Variants in PRKDC observed in about 807,000 individuals in gnomAD.
The protein encoded by PRKDC is protein kinase, DNA-activated, catalytic subunit.
A neutral mutation model predicts 486.9 loss-of-function variants in PRKDC; 82 were observed. That is an observed-to-expected ratio of 0.17 (90% CI 0.14 to 0.20). PRKDC has a LOEUF of 0.20. PRKDC is among the 10% of genes least tolerant of loss of function. The pLI is 1.00. For synonymous variants in PRKDC, 1,895 were observed against 1,837.0 expected (o/e 1.03, Z -0.81); for missense variants, 4,504 against 5,038.2 (o/e 0.89, Z 3.21).
At position 47,927,279 on chromosome 8, in the gene PRKDC, A is replaced by C. The variant is rs909197510; in HGVS notation, c.2334T>G (p.Ile778Met). ...VGLNALEEWS[I>M]YIDRHVMQPY... ...GCTGCATTACATGTCTGTCAATATA[A>C]ATTGACCATTCTTCTAGAGCATTCA... Residue 778 changes from isoleucine (I) to methionine (M), a missense_variant, in exon 21 of 86, where the codon ATT becomes ATG. Around this residue, in one of 6 missense-constraint regions of PRKDC, gnomAD observed 1,969 missense variants for 2,068.9 expected, o/e 0.95. Transcript: ENST00000314191. The C allele has an allele frequency of 1.9e-6, 3 of 1,613,040 alleles. No individual in the cohort carries two copies. The highest frequency in any genetic ancestry group is 1.3e-5 in the African/African-American group (1 of 74,898).
At chr8:47,956,159 C>T (rs1463708045) in intron 3 of PRKDC, among the ~76,000 whole-genome samples, 1 of 152,012 alleles carries the variant, frequency 6.6e-6, no homozygotes, top group Non-Finnish European at 1.5e-5. Flanking sequence ...GTCAGGAGTT[C>T]GAGACCAGCC....
At chr8:47,926,335 G>C (rs2154503366) in intron 21 of PRKDC, among the ~76,000 whole-genome samples, 1 of 152,200 alleles carries the variant, frequency 6.6e-6, no homozygotes, top group South Asian at 2.1e-4. Context: ...GAGGATGTCA[G>C]AAAAAGGAGA....
intron 22 of PRKDC, among the ~76,000 whole-genome samples, chr8:47,915,697 G>A (rs1050790118): frequency 6.6e-6 from 1 of 152,184 alleles, no homozygotes; most frequent in Non-Finnish European, 1.5e-5. Flanking sequence ...GTTATAAAAA[G>A]TAACTATATT....
chr8:47,906,944 AT>A (rs749975042), intron 25 of PRKDC, among the ~76,000 whole-genome samples: 1 of 151,476 alleles, frequency 6.6e-6, no homozygotes, highest in Non-Finnish European at 1.5e-5. Flanking sequence ...CTATGAAGCA[AT>A]TTTTAAAATT....
intron 66 of PRKDC, among the ~76,000 whole-genome samples, chr8:47,820,383 AC>A (rs2087560910): frequency 2.6e-5 from 4 of 152,046 alleles, no homozygotes; most frequent in Admixed American, 6.5e-5. Context: ...GTCTCAAAAA[AC>A]AAACAAACAA....
intron 21 of PRKDC, among the ~76,000 whole-genome samples, chr8:47,925,627 C>G (rs1172148028): frequency 1.3e-5 from 2 of 152,154 alleles, no homozygotes; most frequent in African/African-American, 2.4e-5. Flanking sequence ...TGTTATTTTT[C>G]TGGATTTTGA....
chr8:47,915,118 G>A (rs1237152951), intron 23 of PRKDC, among the ~76,000 whole-genome samples: 1 of 152,098 alleles, frequency 6.6e-6, no homozygotes, highest in Non-Finnish European at 1.5e-5. Flanking sequence ...AACAAGTCAA[G>A]CTAGAACATA....
chr8:47,788,850 C>T, intron 76 of PRKDC, 56 bp downstream of exon 76: 2 of 1,427,296 alleles, frequency 1.4e-6, no homozygotes, highest in South Asian at 1.6e-5. Flanking sequence ...AATAATGTAA[C>T]TATTGACTGT....
chr8:47,891,674 C>A (rs1189280235), intron 31 of PRKDC, among the ~76,000 whole-genome samples: 1 of 151,870 alleles, frequency 6.6e-6, no homozygotes, highest in Non-Finnish European at 1.5e-5. Context: ...GAGCCAAGAT[C>A]GCGCCACTGC....
intron 11 of PRKDC, among the ~76,000 whole-genome samples, chr8:47,938,267 C>T (rs1005272773): frequency 6.6e-6 from 1 of 151,652 alleles, no homozygotes; most frequent in Non-Finnish European, 1.5e-5. Context: ...AAAAAAATAC[C>T]CAGGTGTGGT....
intron 26 of PRKDC, among the ~76,000 whole-genome samples, chr8:47,903,187 G>A (rs1182614416): frequency 6.6e-6 from 1 of 152,086 alleles, no homozygotes; most frequent in Admixed American, 6.6e-5. Flanking sequence ...TTTGCATATT[G>A]AAGTCAAAGA....
intron 21 of PRKDC, among the ~76,000 whole-genome samples, chr8:47,922,396 C>T (rs987986740): frequency 5.3e-5 from 8 of 151,802 alleles, no homozygotes; most frequent in Non-Finnish European, 7.4e-5. Context: ...TGCTTGAACC[C>T]GGGAGGCGGA....
chr8:47,789,112 C>A (rs993391568), intron 75 of PRKDC, 39 bp downstream of exon 75: 4 of 1,612,288 alleles, frequency 2.5e-6, no homozygotes, highest in Non-Finnish European at 3.4e-6. Flanking sequence ...TTTTACCCAA[C>A]TTATATGTTT....
intron 58 of PRKDC, among the ~76,000 whole-genome samples, chr8:47,835,554 T>C (rs1017107902): frequency 7.3e-6 from 1 of 136,554 alleles, no homozygotes; most frequent in Admixed American, 8.6e-5. Context: ...GAGGCAGAGG[T>C]TGCAGTGAGC....
At chr8:47,869,169 C>T (rs913126569) in intron 40 of PRKDC, among the ~76,000 whole-genome samples, 1 of 152,044 alleles carries the variant, frequency 6.6e-6, no homozygotes, top group East Asian at 1.9e-4. Flanking sequence ...TTGGGGGGCA[C>T]ATAACCTGAG....
intron 11 of PRKDC, among the ~76,000 whole-genome samples, chr8:47,938,968 A>G (rs749645021): frequency 6.6e-6 from 1 of 152,178 alleles, no homozygotes; most frequent in Non-Finnish European, 1.5e-5. Flanking sequence ...TTTAGGAATA[A>G]GGAGCAGCAT....
rs11311765 is a variant in PRKDC at position 47,819,513 on chromosome 8, T to TAAAAA, written c.9337-8_9337-4dup. ...AGGACATCAATACTAGAATAATTCT[T>TAAAAA]AAAAAAAAAAAAAAAAAAAAAGGGC... On this transcript the variant is annotated splice_region_variant and splice_polypyrimidine_tract_variant and intron_variant, in intron 66 of 85. Coordinates refer to ENST00000314191, the MANE Select transcript of PRKDC (RefSeq NM_006904.7). 41 of 551,948 alleles carry TAAAAA rather than the reference T, an allele frequency of 7.4e-5. No individual in the cohort carries two copies. Among genetic ancestry groups the TAAAAA allele is most frequent in the South Asian group, 2.0e-4 (4 of 19,518 alleles). 34.2% of individuals were successfully genotyped at this position (551,948 alleles called of 1,614,324 possible). A position where few individuals can be genotyped will look rare whatever the true frequency, so the allele number is the denominator to read the frequency against.
chr8:47,926,437 C>G lies in PRKDC; in HGVS notation c.2419+757G>C, dbSNP rs531354433. 2.0e-5 allele frequency among the ~76,000 whole-genome samples: 3 copies of G among 152,176 alleles called. No homozygotes were observed. The South Asian group carries it at 6.2e-4, about 32-fold the overall frequency. On this transcript the variant is annotated intron_variant, in intron 21 of 85. Transcript: ENST00000314191. ...AAATAATGATTTACACAGGTAAAAC[C>G]TCACAATTTTTTTTCTGTATTTCTT...
intron 13 of PRKDC, 148 bp from the exon 14 acceptor site, chr8:47,935,206 A>C: frequency 1.5e-6 from 1 of 660,964 alleles, no homozygotes; most frequent in Non-Finnish European, 2.5e-6. Context: ...TTAATTTTAA[A>C]ACTTAAAACT....
Sources: allele counts gnomAD v4.1 joint callset (sites outside exome capture counted in the v4.1 genomes callset), GRCh38; gene constraint gnomAD v4.1.1; regional missense constraint gnomAD v4.1.1; transcripts MANE v1.5; gene names NCBI Gene and HGNC (gene_info 2026-07-23, HGNC 2026-07-21).